Variants in CCDC15 observed in about 807,000 individuals in gnomAD.
CCDC15 encodes coiled-coil domain-containing protein 15.
In CCDC15, 105 loss-of-function variants were observed where a neutral mutation model predicts 114.5. That is an observed-to-expected ratio of 0.92 (90% CI 0.78 to 1.08). The LOEUF (loss-of-function observed/expected upper bound fraction) is 1.08. CCDC15 is among the 50% of genes least tolerant of loss of function. The probability of loss-of-function intolerance (pLI) is 0.00; values close to 1 mark genes in which losing one functional copy is unlikely to be tolerated. For missense variants in CCDC15, 1,105 were observed against 1,093.6 expected (o/e 1.01, Z -0.15); for synonymous variants, 334 against 377.8 (o/e 0.88, Z 1.34).
intron 6 of CCDC15, among the ~76,000 whole-genome samples, chr11:124,984,147 GA>G (rs1948118891): frequency 6.6e-6 from 1 of 152,182 alleles, no homozygotes; most frequent in African/African-American, 2.4e-5. Context: ...TGGGGAAGCA[GA>G]GGTGAGGTCT....
intron 4 of CCDC15, among the ~76,000 whole-genome samples, chr11:124,973,029 A>G (rs771898296): frequency 1.3e-5 from 2 of 152,226 alleles, no homozygotes; most frequent in Non-Finnish European, 2.9e-5. Flanking sequence ...TTGGGTGGCC[A>G]TTATTCACCC....
chr11:124,986,700 T>TGTGTGCGCGCGC (rs878887902), intron 6 of CCDC15, 42 bp from the exon 7 acceptor site: 94 of 1,352,988 alleles, frequency 6.9e-5, no homozygotes, highest in African/African-American at 4.7e-4. Context: ...TTTGTGTGTG[T>TGTGTGCGCGCGC]GCGCGCGCGC....
chr11:125,013,880 A>G (rs1402470591), intron 13 of CCDC15, among the ~76,000 whole-genome samples: 4 of 152,226 alleles, frequency 2.6e-5, no homozygotes, highest in East Asian at 1.9e-4. Flanking sequence ...GTACAGGGCT[A>G]CTGCTGGGTG....
Position 125,038,546 on chromosome 11 carries a change from C to G in CCDC15, c.2527C>G (p.Gln843Glu). ...GTTGAGTGAGATATTAGCCCAGTTA[C>G]AACTTCAAGAAATAAAAGGAACCAG... ...EKLSEILAQLQLQEIKGTREK... is the reference protein window; with the variant it reads ...EKLSEILAQLELQEIKGTREK... Residue 843 changes from glutamine to glutamate, a missense_variant, in exon 14 of 16, where the codon CAA (glutamine) becomes GAA (glutamate). Coordinates refer to ENST00000344762, the MANE Select transcript of CCDC15 (RefSeq NM_025004.3). 2 of 1,581,548 alleles carry G rather than the reference C, an allele frequency of 1.3e-6. No homozygotes were observed. Among genetic ancestry groups the G allele is most frequent in the Middle Eastern group, 1.7e-4 (1 of 5,974 alleles).
intron 6 of CCDC15, among the ~76,000 whole-genome samples, chr11:124,983,036 A>G (rs566897678): frequency 6.6e-6 from 1 of 151,982 alleles, no homozygotes; most frequent in Admixed American, 6.6e-5. Flanking sequence ...GTTATTTTGG[A>G]GAGCCAGTCT....
chr11:125,012,822 G>A (rs1347679741), intron 13 of CCDC15, among the ~76,000 whole-genome samples: 2 of 152,082 alleles, frequency 1.3e-5, no homozygotes, highest in East Asian at 1.9e-4. Context: ...ACATGCCAGG[G>A]ACTGTTCTAT....
Position 124,975,174 on chromosome 11 carries a change from C to A in CCDC15, c.595C>A (p.Pro199Thr). ...GATTAAAAAAAAGGGATCAGTGTTTCCAGATGATGGAAGGAAAAGCTTTCT... is the reference window on the plus strand; with the variant it reads ...GATTAAAAAAAAGGGATCAGTGTTTACAGATGATGGAAGGAAAAGCTTTCT... Reference protein sequence around the residue: ...TVIKKKGSVFPDDGRKSFLTR... With the variant: ...TVIKKKGSVFTDDGRKSFLTR... The change falls in exon 5 of 16, where the codon CCA becomes ACA. Residue 199 changes from proline to threonine, a missense_variant. Pro to Thr is a conservative substitution (Grantham distance 38, BLOSUM62 -1). Transcript: ENST00000344762. 1 of 1,596,200 alleles carries A rather than the reference C, an allele frequency of 6.3e-7. No homozygotes were observed. Among genetic ancestry groups the A allele is most frequent in the South Asian group, 1.1e-5 (1 of 87,894 alleles).
At chr11:124,957,706 A>T (rs1028119908) in intron 2 of CCDC15, among the ~76,000 whole-genome samples, 3 of 152,162 alleles carry the variant, frequency 2.0e-5, no homozygotes, top group Admixed American at 6.5e-5. Flanking sequence ...TTGTTCTTTG[A>T]CACTTGTACA....
At chr11:124,970,562 AC>A (rs1175588015) in intron 4 of CCDC15, among the ~76,000 whole-genome samples, 4 of 152,376 alleles carry the variant, frequency 2.6e-5, no homozygotes, top group Middle Eastern at 3.4e-3. Flanking sequence ...TTAACAATAC[AC>A]TTTACATTGG....
At chr11:124,983,941 G>A (rs1036146076) in intron 6 of CCDC15, among the ~76,000 whole-genome samples, 1 of 152,166 alleles carries the variant, frequency 6.6e-6, no homozygotes, top group African/African-American at 2.4e-5. Context: ...GGCAGTGTCA[G>A]CATGTCATGG....
intron 11 of CCDC15, among the ~76,000 whole-genome samples, chr11:125,001,391 A>G (rs1456437588): frequency 6.6e-6 from 1 of 152,266 alleles, no homozygotes; most frequent in Non-Finnish European, 1.5e-5. Context: ...ATATGCAAAT[A>G]ATGAATGACT....
chr11:125,014,728 T>C (rs1200823206), intron 13 of CCDC15, among the ~76,000 whole-genome samples: 1 of 152,198 alleles, frequency 6.6e-6, no homozygotes, highest in East Asian at 1.9e-4. Context: ...ACTCATGTAT[T>C]AGTATCATAT....
Position 124,959,178 on chromosome 11 carries a change from A to G in CCDC15, c.241A>G (p.Lys81Glu), listed in dbSNP as rs758759450. ...GCTAAGAAAAAAACAAGAAGCTTTG[A>G]AACATTTTCAGAAACAAGTTAAATA... ...EQLRKKQEAL[K>E]HFQKQVKYRV... is the part of the protein sequence containing the mutation. Residue 81 changes from lysine (K) to glutamate (E), a missense_variant, in exon 3 of 16, where the codon AAA becomes GAA. Transcript: ENST00000344762. The G allele has an allele frequency of 1.9e-6, 3 of 1,593,636 alleles. No homozygotes were observed. Among genetic ancestry groups the G allele is most frequent in the Middle Eastern group, 1.7e-4 (1 of 5,984 alleles).
intron 4 of CCDC15, among the ~76,000 whole-genome samples, chr11:124,974,610 G>T (rs1186634732): frequency 6.6e-6 from 1 of 152,154 alleles, no homozygotes; most frequent in African/African-American, 2.4e-5. Context: ...TTCAAATGTT[G>T]AGGGTGGTGA....
At chr11:124,965,625 TG>T (rs1218756724) in intron 4 of CCDC15, among the ~76,000 whole-genome samples, 1 of 152,224 alleles carries the variant, frequency 6.6e-6, no homozygotes, top group Non-Finnish European at 1.5e-5. Context: ...GAAGGGTTTT[TG>T]TGTCTCTATC....
In CCDC15 at chr11:124,969,086, A is replaced by G. The variant is rs188936887; in HGVS notation, c.517-6010A>G. Among the ~76,000 whole-genome samples, 177 of 152,210 alleles carry G rather than the reference A, an allele frequency of 1.2e-3. 2 individuals are homozygous for G. The highest frequency in any genetic ancestry group is 1.5e-4 in the Non-Finnish European group (10 of 68,014). On this transcript the variant is annotated intron_variant, in intron 4 of 15. Coordinates refer to ENST00000344762, the MANE Select transcript of CCDC15 (RefSeq NM_025004.3). The stretch of plus-strand genomic sequence containing the variant: ...TTCTTTTTTGGGTTTCTATATTCCT[A>G]ATGCCTTATTGATTTCTTCTGAATA...
At chr11:125,016,696 A>G (rs948046191) in intron 13 of CCDC15, among the ~76,000 whole-genome samples, 4 of 152,212 alleles carry the variant, frequency 2.6e-5, no homozygotes, top group African/African-American at 9.6e-5. Flanking sequence ...AGTCAAAATG[A>G]GAATTTCATT....
intron 13 of CCDC15, among the ~76,000 whole-genome samples, chr11:125,012,922 AAAC>A (rs1024733140): frequency 6.6e-5 from 10 of 152,212 alleles, no homozygotes; most frequent in African/African-American, 2.4e-4. Context: ...TGAACTTTGT[AAAC>A]TTAAGCAAGT....
chr11:125,037,222 G>A (rs1158465249), intron 13 of CCDC15, among the ~76,000 whole-genome samples: 1 of 152,188 alleles, frequency 6.6e-6, no homozygotes, highest in East Asian at 1.9e-4. Context: ...GTCTGGTGCA[G>A]TACTCAGTCT....
Sources: gnomAD v4.1 joint callset for allele counts (sites outside exome capture counted in the v4.1 genomes callset) on GRCh38, gnomAD v4.1.1 for gene constraint, MANE v1.5 for transcripts, NCBI Gene and HGNC (gene_info 2026-07-23, HGNC 2026-07-21) for gene names.